The following SPTBN4 variants were observed in gnomAD, a reference collection of about 807,000 sequenced individuals.
The protein encoded by SPTBN4 is spectrin beta chain, non-erythrocytic 4.
In SPTBN4, 96 loss-of-function variants were observed where a neutral mutation model predicts 277.8. That is an observed-to-expected ratio of 0.35 (90% CI 0.29 to 0.41). The LOEUF (loss-of-function observed/expected upper bound fraction) is 0.41. SPTBN4 is among the 10% of genes least tolerant of loss of function. The pLI is 1.00. For synonymous variants in SPTBN4, 1,481 were observed against 1,580.3 expected (o/e 0.94, Z 1.49); for missense variants, 3,006 against 3,595.7 (o/e 0.84, Z 4.19).
chr19:40,559,773 C>T (rs2081022820), intron 26 of SPTBN4, among the ~76,000 whole-genome samples: 1 of 151,468 alleles, frequency 6.6e-6, no homozygotes, highest in Non-Finnish European at 1.5e-5. Context: ...AACTGGGCTA[C>T]TATGAAGGAG....
Position 40,554,063 on chromosome 19 carries a change from G to C in SPTBN4, c.4675-84G>C. On this transcript the variant is annotated intron_variant, in intron 22 of 35. Coordinates refer to ENST00000598249, the MANE Select transcript of SPTBN4 (RefSeq NM_020971.3). This position sits in a 1 kb window ranked among gnomAD's most constrained non-coding sequence, Gnocchi z 5.7. ...GTGCTTGTTAATTGCCCCGTGGGCC[G>C]TGCCAGTAGCAGAGGAGCGTGTGGT... 7.5e-7 allele frequency: 1 copy of C among 1,331,120 alleles called. No individual in the cohort carries two copies. 82.5% of individuals were successfully genotyped at this position (1,331,120 alleles called of 1,614,324 possible).
rs1163325691 is a variant in SPTBN4, at chr19:40,566,278, G to A, written c.6255G>A (p.Gln2085=). The change falls in exon 30 of 36, where the codon CAG becomes CAA. Residue 2085 remains glutamine (Q), a synonymous_variant. Transcript: ENST00000598249. ...ELGSSVDEVE[Q]LIRRHEAFRK... is the part of the protein sequence containing the mutation. ...GCAGCAGCGTGGATGAGGTGGAGCA[G>A]CTTATCCGGCGACATGAGGCCTTCC... is the stretch of plus-strand genomic sequence containing the variant. 1.9e-6 allele frequency: 3 copies of A among 1,588,490 alleles called. No individual in the cohort carries two copies. The highest frequency in any genetic ancestry group is 1.8e-5 in the Admixed American group (1 of 56,566).
Position 40,563,745 on chromosome 19 carries a change from A to G in SPTBN4, c.5916-1678A>G, listed in dbSNP as rs186401708. On this transcript the variant is annotated intron_variant, in intron 27 of 35. Transcript: ENST00000598249. Reference sequence around the variant, plus strand: ...AACAACAACCAAAACAAAGAAACAAAACTATTAATGAGGCCAGGCGCAGTG... The same window carrying G: ...AACAACAACCAAAACAAAGAAACAAGACTATTAATGAGGCCAGGCGCAGTG... Among the ~76,000 whole-genome samples the G allele has an allele frequency of 5.3e-3, 739 of 138,642 alleles. 9 individuals are homozygous for G. The highest frequency in any genetic ancestry group is 0.019 in the African/African-American group (709 of 36,936). 91.0% of individuals were successfully genotyped at this position (138,642 alleles called of 152,430 possible).
chr19:40,554,355 T>A lies in SPTBN4; in HGVS notation c.4883T>A (p.Phe1628Tyr). The A allele has an allele frequency of 1.3e-6, 2 of 1,581,502 alleles. No individual in the cohort carries two copies. The highest frequency in any genetic ancestry group is 8.6e-7 in the Non-Finnish European group (1 of 1,169,550). The change falls in exon 23 of 36, where the codon TTC (phenylalanine) becomes TAC (tyrosine). Residue 1628 changes from phenylalanine (F) to tyrosine (Y), a missense_variant. By Grantham distance (22) the Phe-to-Tyr change is conservative. Coordinates refer to ENST00000598249, the MANE Select transcript of SPTBN4 (RefSeq NM_020971.3). The surrounding 1 kb of genome is among the most constrained non-coding windows in gnomAD (Gnocchi z 5.7). ...DAAFQVEQYY[F>Y]DVAEVEAWLG... ...GCCTTCCAGGTGGAGCAGTACTACT[T>A]CGACGTGGCTGAGGTGGAGGCGTGG...
intron 3 of SPTBN4, among the ~76,000 whole-genome samples, chr19:40,488,710 T>G (rs186390703): frequency 6.6e-6 from 1 of 152,300 alleles, no homozygotes; most frequent in East Asian, 1.9e-4. Context: ...CCCAGGAGGT[T>G]GAGGAGAGAG....
rs954655542 is a variant in SPTBN4, at chr19:40,569,515, A to C, written c.6957-142A>C. ...CCAAACACCTGTGGTACCTAAGGCG[A>C]GCATCTGAGAGAAACAGCTGCAGAA... On this transcript the variant is annotated intron_variant, in intron 31 of 35. Transcript: ENST00000598249. 11 of 748,724 alleles carry C rather than the reference A, an allele frequency of 1.5e-5. No homozygotes were observed. The East Asian group carries it at 1.7e-4, about 12-fold the overall frequency. The allele number at this position is 748,724 out of a possible 1,614,324, so 46.4% of individuals were successfully genotyped here.
At chr19:40,487,259 C>G (rs2080082712) in intron 2 of SPTBN4, among the ~76,000 whole-genome samples, 1 of 151,622 alleles carries the variant, frequency 6.6e-6, no homozygotes, top group African/African-American at 2.4e-5. Context: ...CCAGGCTGGT[C>G]TTGAACTCCT....
At chr19:40,479,872 C>CAA (rs2079990308) in intron 2 of SPTBN4, among the ~76,000 whole-genome samples, 1 of 150,416 alleles carries the variant, frequency 6.6e-6, no homozygotes, top group African/African-American at 2.5e-5. Flanking sequence ...GAAACTGAGG[C>CAA]ATGATGATCA....
Position 40,575,618 on chromosome 19 carries a change from C to A in SPTBN4, c.*49C>A. On this transcript the variant is annotated 3_prime_UTR_variant, in exon 36 of 36. Transcript: ENST00000598249. ...CATCTCGTCTCCCCTCTTTTCCGCACTGTGGGCACAAAGACACTTTTTCTT... is the reference window on the plus strand; with the variant it reads ...CATCTCGTCTCCCCTCTTTTCCGCAATGTGGGCACAAAGACACTTTTTCTT... 1 of 1,557,172 alleles carries A rather than the reference C, an allele frequency of 6.4e-7. No individual in the cohort carries two copies. Among genetic ancestry groups the A allele is most frequent in the Non-Finnish European group, 8.7e-7 (1 of 1,150,508 alleles).
At chr19:40,556,015 T>C in intron 24 of SPTBN4, 69 bp from the exon 25 acceptor site, 1 of 1,421,982 alleles carries the variant, frequency 7.0e-7, no homozygotes, top group Non-Finnish European at 9.6e-7. Flanking sequence ...GGGGAGGGGG[T>C]TTAGGGGGGT....
chr19:40,531,687 G>A (rs893136048), intron 18 of SPTBN4, among the ~76,000 whole-genome samples: 7 of 151,534 alleles, frequency 4.6e-5, no homozygotes, highest in African/African-American at 1.5e-4. Context: ...CTAGTGCCGT[G>A]AGAGGGGCCC....
intron 12 of SPTBN4, among the ~76,000 whole-genome samples, chr19:40,504,677 AAAC>A (rs1195586969): frequency 6.6e-6 from 1 of 150,800 alleles, no homozygotes; most frequent in Non-Finnish European, 1.5e-5. Flanking sequence ...TCAAAAAAAA[AAAC>A]AAAAAAAACA....
At chr19:40,527,642 G>A (rs2080608810) in intron 17 of SPTBN4, among the ~76,000 whole-genome samples, 1 of 152,184 alleles carries the variant, frequency 6.6e-6, no homozygotes, top group Non-Finnish European at 1.5e-5. Context: ...TAGTGCCAAG[G>A]GCCTGAGGCT....
chr19:40,527,080 CT>C (rs1269768285), intron 17 of SPTBN4, among the ~76,000 whole-genome samples: 1 of 152,142 alleles, frequency 6.6e-6, no homozygotes, highest in East Asian at 1.9e-4. Context: ...GTCTCAGGCC[CT>C]TCCTGTTCCT....
chr19:40,572,087 C>T lies in SPTBN4; in HGVS notation c.7388C>T (p.Pro2463Leu), dbSNP rs536527875. Residue 2463 changes from proline (P) to leucine (L), a missense_variant, in exon 34 of 36, where the codon CCG becomes CTG. Pro to Leu is a moderately conservative substitution (Grantham distance 98). Coordinates refer to ENST00000598249, the MANE Select transcript of SPTBN4 (RefSeq NM_020971.3). Reference sequence around the variant, plus strand: ...GGCTTCTACAAGGACTCCAAGGGCCCGGCATCCGGGAGCACACACGGTGGG... The same window carrying T: ...GGCTTCTACAAGGACTCCAAGGGCCTGGCATCCGGGAGCACACACGGTGGG... ...ELGFYKDSKG[P>L]ASGSTHGGEP... 32 of 1,612,894 alleles carry T rather than the reference C, an allele frequency of 2.0e-5. No individual in the cohort carries two copies. Among genetic ancestry groups the T allele is most frequent in the South Asian group, 1.1e-4 (10 of 90,884 alleles).
chr19:40,576,017 G>A lies in SPTBN4; in HGVS notation c.*448G>A, dbSNP rs1159267805. 1 of 153,358 alleles carries A rather than the reference G, an allele frequency of 6.5e-6. No homozygotes were observed. The highest frequency in any genetic ancestry group is 2.4e-5 in the African/African-American group (1 of 41,288). 9.5% of individuals were successfully genotyped at this position (153,358 alleles called of 1,614,324 possible). ...TCCAGGGTGCTAGGGGGCAGGGAGG[G>A]GACACCCCCTCCCCGCCTTTACCTC... On this transcript the variant is annotated 3_prime_UTR_variant, in exon 36 of 36. Coordinates refer to ENST00000598249, the MANE Select transcript of SPTBN4 (RefSeq NM_020971.3).
chr19:40,534,284 C>G lies in SPTBN4; in HGVS notation c.4300C>G (p.Gln1434Glu), dbSNP rs2080711164. 5.6e-6 allele frequency: 9 copies of G among 1,614,102 alleles called. No individual in the cohort carries two copies. The highest frequency in any genetic ancestry group is 7.6e-6 in the Non-Finnish European group (9 of 1,180,038). Residue 1434 changes from glutamine to glutamate, a missense_variant, in exon 20 of 36, where the codon CAA becomes GAA. Physicochemically the swap from Gln to Glu is conservative, Grantham distance 29. Around this residue, in one of 5 missense-constraint regions of SPTBN4, gnomAD observed 1,759 missense variants for 2,061.5 expected, o/e 0.85. Coordinates refer to ENST00000598249, the MANE Select transcript of SPTBN4 (RefSeq NM_020971.3). ...GCTCCTTCACATGGAGAGCCAGCTG[C>G]AAGACGTGGACCCTGGAGGAGACCT... is the stretch of plus-strand genomic sequence containing the variant. ...KKLLHMESQL[Q>E]DVDPGGDLAT...
rs1410973078 is a variant in SPTBN4 at position 40,513,401 on chromosome 19, C to T, written c.2612C>T (p.Ala871Val). The change falls in exon 14 of 36, where the codon GCG becomes GTG. Residue 871 changes from alanine to valine, a missense_variant. Physicochemically the swap from Ala to Val is moderately conservative, Grantham distance 64. Transcript: ENST00000598249. ...QLFAEVTEVA[A>V]LRRQWLRDAL... is the part of the protein sequence containing the mutation. The stretch of plus-strand genomic sequence containing the variant: ...TTCGCTGAGGTGACCGAAGTGGCGG[C>T]GCTGAGGCGCCAGTGGCTGCGGGAC... 6.2e-7 allele frequency: 1 copy of T among 1,604,696 alleles called. No homozygotes were observed. Among genetic ancestry groups the T allele is most frequent in the African/African-American group, 1.3e-5 (1 of 75,016 alleles).
At chr19:40,549,165 T>C (rs753880179) in intron 20 of SPTBN4, 24 bp from the exon 21 acceptor site, 292 of 1,523,994 alleles carry the variant, frequency 1.9e-4, no homozygotes, top group South Asian at 5.1e-4. Context: ...GTGGGGCCCA[T>C]TGACCCTGCC....
Sources: allele counts gnomAD v4.1 joint callset (sites outside exome capture counted in the v4.1 genomes callset), GRCh38; gene constraint gnomAD v4.1.1; regional missense constraint gnomAD v4.1.1; non-coding constraint Gnocchi (gnomAD v3.1); transcripts MANE v1.5; gene names NCBI Gene and HGNC (gene_info 2026-07-23, HGNC 2026-07-21).